EXOC6: variants seen among roughly 807,000 people sequenced by gnomAD.
EXOC6 encodes the protein exocyst complex component 6.
A neutral mutation model predicts 112.5 loss-of-function variants in EXOC6; 60 were observed. The observed-to-expected ratio is 0.53, with a 90% confidence interval of 0.43 to 0.66. The LOEUF (loss-of-function observed/expected upper bound fraction) is 0.66, where lower values mean the gene tolerates loss of function less well. EXOC6 is among the 30% of genes least tolerant of loss of function. The pLI, the probability that EXOC6 is intolerant of heterozygous loss-of-function variation, is 0.00. For missense variants in EXOC6, 855 were observed against 957.1 expected (o/e 0.89, Z 1.41); for synonymous variants, 295 against 308.0 (o/e 0.96, Z 0.44).
At chr10:92,879,099 C>A (rs1002801174) in intron 1 of EXOC6, among the ~76,000 whole-genome samples, 25 of 152,260 alleles carry the variant, frequency 1.6e-4, no homozygotes, top group African/African-American at 6.0e-4. Context: ...TCCAGGACTG[C>A]CAAAAATTAT....
At chr10:92,831,482 G>A (rs1360671264), upstream of EXOC6, 3 of 434,270 alleles carry the variant, frequency 6.9e-6, no homozygotes, top group Admixed American at 3.6e-5. Context: ...CACTCAGGCT[G>A]GAGTACAATG....
intron 1 of EXOC6, among the ~76,000 whole-genome samples, chr10:92,887,492 G>A (rs1849286166): frequency 6.6e-6 from 1 of 150,574 alleles, no homozygotes; most frequent in South Asian, 2.1e-4. Context: ...CTGCCTCCCG[G>A]GTTCAAGCAG....
chr10:93,046,955 G>A lies in EXOC6; in HGVS notation c.2170-9969G>A, dbSNP rs566338232. 2.6e-5 allele frequency among the ~76,000 whole-genome samples: 4 copies of A among 152,288 alleles called. No homozygotes were observed. The South Asian group carries it at 6.2e-4, about 24-fold the overall frequency. On this transcript the variant is annotated intron_variant, in intron 20 of 21. Transcript: ENST00000260762. ...CCTCATTTAGGAGCCTGGATTACTT[G>A]AAGGGAGAAGCCAAAAGGTTGACCT...
chr10:92,940,689 C>T (rs867759092), intron 12 of EXOC6, 38 bp from the exon 13 acceptor site: 4 of 1,343,286 alleles, frequency 3.0e-6, no homozygotes, highest in Non-Finnish European at 4.1e-6. Flanking sequence ...TATTTTTGTA[C>T]ACTTGTTTAT....
intron 1 of EXOC6, among the ~76,000 whole-genome samples, chr10:92,827,388 G>A (rs1439817057): frequency 1.4e-5 from 2 of 147,182 alleles, no homozygotes; most frequent in Non-Finnish European, 3.0e-5. Context: ...GTGGGAGGAT[G>A]GCTTGAGCCC....
intron 17 of EXOC6, among the ~76,000 whole-genome samples, chr10:92,957,163 C>G (rs944578458): frequency 7.9e-5 from 12 of 152,180 alleles, no homozygotes; most frequent in African/African-American, 2.6e-4. Flanking sequence ...TACATAATGC[C>G]TCTACTTTCT....
At chr10:92,940,634 A>T in intron 12 of EXOC6, 93 bp from the exon 13 acceptor site, 1 of 788,050 alleles carries the variant, frequency 1.3e-6, no homozygotes, top group South Asian at 1.7e-5. Context: ...GGATCTAGTG[A>T]TTCCTTCCAA....
intron 19 of EXOC6, among the ~76,000 whole-genome samples, chr10:93,008,708 T>G (rs1431886070): frequency 1.3e-5 from 2 of 152,190 alleles, no homozygotes; most frequent in Non-Finnish European, 2.9e-5. Context: ...ATTTATTCAT[T>G]CAACACACAT....
intron 18 of EXOC6, among the ~76,000 whole-genome samples, chr10:92,994,102 A>C (rs1843378316): frequency 6.6e-6 from 1 of 152,254 alleles, no homozygotes; most frequent in Admixed American, 6.5e-5. Context: ...TACAAAACAA[A>C]TTAGCAGATT....
At chr10:92,846,229 T>C (rs1693195015), upstream of EXOC6, among the ~76,000 whole-genome samples, 1 of 152,222 alleles carries the variant, frequency 6.6e-6, no homozygotes, top group Non-Finnish European at 1.5e-5. Context: ...GCAGGGGCAC[T>C]TGGAGCCAGC....
In EXOC6 at chr10:92,935,829, C is replaced by T. The variant is rs543649494; in HGVS notation, c.1156C>T (p.Pro386Ser). ...LRAHSSYCTD[P>S]DLVLELKNLT... ...CCACCCTCAGTCCTATTGCACTGAT[C>T]CTGATCTTGTTCTGGAGCTGAAGAA... Residue 386 changes from proline (P) to serine (S), a missense_variant, in exon 12 of 22, where the codon CCT becomes TCT. By Grantham distance (74) the Pro-to-Ser change is moderately conservative. Around this residue, in one of 2 missense-constraint regions of EXOC6, gnomAD observed 450 missense variants for 563.5 expected, o/e 0.80. Coordinates refer to ENST00000260762, the MANE Select transcript of EXOC6 (RefSeq NM_019053.6). 1 of 1,608,672 alleles carries T rather than the reference C, an allele frequency of 6.2e-7. No individual in the cohort carries two copies. The highest frequency in any genetic ancestry group is 1.1e-5 in the South Asian group (1 of 90,738).
intron 6 of EXOC6, among the ~76,000 whole-genome samples, chr10:92,912,397 AG>A (rs774387062): frequency 6.6e-6 from 1 of 152,054 alleles, no homozygotes; most frequent in East Asian, 1.9e-4. Context: ...AGCTGGGTCC[AG>A]GGGGGTCACT....
At chr10:92,927,089 A>G (rs990022442) in intron 8 of EXOC6, among the ~76,000 whole-genome samples, 1 of 152,206 alleles carries the variant, frequency 6.6e-6, no homozygotes, top group African/African-American at 2.4e-5. Flanking sequence ...CTGCATTTTA[A>G]GTTTACTTTA....
At position 92,928,566 on chromosome 10, in the gene EXOC6, C is replaced by G. The variant is rs183263348; in HGVS notation, c.972+144C>G. The G allele has an allele frequency of 8.7e-5, 48 of 550,922 alleles. No homozygotes were observed. In the East Asian group the frequency reaches 1.4e-3, roughly 16 times the overall value. 34.1% of individuals were successfully genotyped at this position (550,922 alleles called of 1,614,324 possible). On this transcript the variant is annotated intron_variant, in intron 9 of 21. Coordinates refer to ENST00000260762, the MANE Select transcript of EXOC6 (RefSeq NM_019053.6). ...CCATTTCCAAACATTGGTTTAGGTGCTAAGGGTACAGCAGTGAACCAAATA... is the reference window on the plus strand; with the variant it reads ...CCATTTCCAAACATTGGTTTAGGTGGTAAGGGTACAGCAGTGAACCAAATA...
At chr10:92,971,774 C>T (rs1842308035) in intron 17 of EXOC6, among the ~76,000 whole-genome samples, 1 of 151,964 alleles carries the variant, frequency 6.6e-6, no homozygotes, top group Admixed American at 6.6e-5. Flanking sequence ...AAGTTTTTGT[C>T]TTATAAGTTC....
At chr10:92,988,123 C>T (rs897779040) in intron 18 of EXOC6, among the ~76,000 whole-genome samples, 2 of 152,210 alleles carry the variant, frequency 1.3e-5, no homozygotes, top group Non-Finnish European at 2.9e-5. Flanking sequence ...AAACTGCACT[C>T]GTAGAAGTCT....
At chr10:92,927,191 T>C (rs1851771717) in intron 8 of EXOC6, among the ~76,000 whole-genome samples, 1 of 152,138 alleles carries the variant, frequency 6.6e-6, no homozygotes, top group Non-Finnish European at 1.5e-5. Flanking sequence ...GCTTTTGACA[T>C]TTTTTTCCTG....
At chr10:92,898,490 T>A (rs779040354) in intron 4 of EXOC6, among the ~76,000 whole-genome samples, 6 of 152,058 alleles carry the variant, frequency 3.9e-5, no homozygotes, top group Non-Finnish European at 7.4e-5. Context: ...TATTAGTTTT[T>A]ACTGTTTTTG....
At chr10:93,039,013 A>G (rs1243430503) in intron 20 of EXOC6, among the ~76,000 whole-genome samples, 1 of 152,100 alleles carries the variant, frequency 6.6e-6, no homozygotes, top group East Asian at 1.9e-4. Flanking sequence ...ATATGTATAT[A>G]TATATATACC....
Sources: allele counts gnomAD v4.1 joint callset (sites outside exome capture counted in the v4.1 genomes callset), GRCh38; gene constraint gnomAD v4.1.1; regional missense constraint gnomAD v4.1.1; transcripts MANE v1.5; gene names NCBI Gene and HGNC (gene_info 2026-07-23, HGNC 2026-07-21).